PAX3: variants seen among roughly 807,000 people sequenced by gnomAD.
PAX3 encodes the protein paired box protein Pax-3.
In PAX3, 14 loss-of-function variants were observed where a neutral mutation model predicts 51.6. The ratio of observed to expected loss-of-function variants is 0.27; its 90% confidence interval spans 0.18 to 0.42. PAX3 has a LOEUF of 0.42. PAX3 is among the 10% of genes least tolerant of loss of function. The pLI, the probability that PAX3 is intolerant of heterozygous loss-of-function variation, is 1.00. For missense variants in PAX3, 540 were observed against 642.8 expected (o/e 0.84, Z 1.73); for synonymous variants, 280 against 253.4 (o/e 1.11, Z -1.00).
chr2:222,207,874 C>A (rs981966704), intron 7 of PAX3, among the ~76,000 whole-genome samples: 1 of 151,814 alleles, frequency 6.6e-6, no homozygotes, highest in Non-Finnish European at 1.5e-5. Context: ...TTAATATGCA[C>A]ATTTAGTTGT....
intron 4 of PAX3, among the ~76,000 whole-genome samples, chr2:222,245,468 G>A (rs902594948): frequency 2.1e-4 from 32 of 152,170 alleles, no homozygotes; most frequent in Non-Finnish European, 4.1e-4. Context: ...AATAGGTCAG[G>A]TACCCAACAC....
At chr2:222,208,855 T>C (rs762560338) in intron 7 of PAX3, among the ~76,000 whole-genome samples, 1 of 152,182 alleles carries the variant, frequency 6.6e-6, no homozygotes, top group Non-Finnish European at 1.5e-5. Context: ...TCACAATACT[T>C]CAGTGATATG....
chr2:222,293,973 A>G lies in PAX3; in HGVS notation c.586+194T>C, dbSNP rs1204245375. ...TTTACAAAACAGAAAAACTAAGCAGAATAGAAATGTTTGTTTTGATTCCTA... is the reference window on the plus strand; with the variant it reads ...TTTACAAAACAGAAAAACTAAGCAGGATAGAAATGTTTGTTTTGATTCCTA... On this transcript the variant is annotated intron_variant, in intron 4 of 8. Coordinates refer to ENST00000392070, the MANE Select transcript of PAX3 (RefSeq NM_181458.4). 2.6e-6 allele frequency: 4 copies of G among 1,525,084 alleles called. No individual in the cohort carries two copies. The Admixed American group carries it at 6.7e-5, about 25-fold the overall frequency. 94.5% of individuals were successfully genotyped at this position (1,525,084 alleles called of 1,614,324 possible). A position where few individuals can be genotyped will look rare whatever the true frequency, so the allele number is the denominator to read the frequency against.
At chr2:222,293,831 G>A in intron 4 of PAX3, 1 of 1,613,694 alleles carries the variant, frequency 6.2e-7, no homozygotes, top group Non-Finnish European at 8.5e-7. Context: ...ATTGCTCAGA[G>A]ATGCCCAGTC....
chr2:222,229,391 A>T (rs2106089900), intron 5 of PAX3, among the ~76,000 whole-genome samples: 1 of 152,206 alleles, frequency 6.6e-6, no homozygotes, highest in East Asian at 1.9e-4. Context: ...GTGGGGAGAA[A>T]CACTCTGTTT....
intron 7 of PAX3, among the ~76,000 whole-genome samples, chr2:222,216,193 G>T (rs935171900): frequency 2.0e-5 from 3 of 152,160 alleles, no homozygotes; most frequent in Admixed American, 2.0e-4. Context: ...CCACTAAAAT[G>T]TGTAATTTGT....
At chr2:222,214,897 C>CA (rs1691891680) in intron 7 of PAX3, 1 of 151,252 alleles carries the variant, frequency 6.6e-6, no homozygotes, top group Non-Finnish European at 1.5e-5. Flanking sequence ...TAAAACAAAA[C>CA]TTTTTTTTTG....
intron 4 of PAX3, among the ~76,000 whole-genome samples, chr2:222,237,618 C>T (rs1692849796): frequency 6.6e-6 from 1 of 152,030 alleles, no homozygotes; most frequent in Non-Finnish European, 1.5e-5. Flanking sequence ...CAATAAGGCA[C>T]TAAGAAATAA....
intron 4 of PAX3, among the ~76,000 whole-genome samples, chr2:222,284,296 G>A (rs1395150969): frequency 2.0e-5 from 3 of 152,130 alleles, no homozygotes; most frequent in African/African-American, 7.2e-5. Flanking sequence ...AATAAGAATG[G>A]ATGTATGAGA....
intron 4 of PAX3, chr2:222,263,959 A>C (rs1308124898): frequency 1.3e-5 from 2 of 152,240 alleles, no homozygotes; most frequent in South Asian, 2.1e-4. Context: ...AGAACAGATC[A>C]GCAGCTTCCA....
intron 7 of PAX3, among the ~76,000 whole-genome samples, chr2:222,203,405 T>C (rs1691384331): frequency 1.3e-5 from 2 of 152,048 alleles, no homozygotes; most frequent in African/African-American, 4.8e-5. Context: ...ACTTACAAAG[T>C]ATTTAAATGC....
chr2:222,208,236 C>T (rs1212686163), intron 7 of PAX3, among the ~76,000 whole-genome samples: 1 of 151,910 alleles, frequency 6.6e-6, no homozygotes, highest in Non-Finnish European at 1.5e-5. Flanking sequence ...GCTTTGTGAC[C>T]ATGTCTACAA....
Position 222,295,602 on chromosome 2 carries a change from G to C in PAX3, c.377C>G (p.Pro126Arg). Residue 126 changes from proline to arginine, a missense_variant, in exon 3 of 9, where the codon CCG becomes CGG. Physicochemically the swap from Pro to Arg is moderately radical, Grantham distance 103 (BLOSUM62 -2). Coordinates refer to ENST00000392070, the MANE Select transcript of PAX3 (RefSeq NM_181458.4). ...TCGGATTTCCCAGCTGAACATGCCCGGGTTCTCTCTTTTGTATTCCTCAAT... is the reference window on the plus strand; with the variant it reads ...TCGGATTTCCCAGCTGAACATGCCCCGGTTCTCTCTTTTGTATTCCTCAAT... Reference protein sequence around the residue: ...KKIEEYKRENPGMFSWEIRDK... With the variant: ...KKIEEYKRENRGMFSWEIRDK... 6.2e-7 allele frequency: 1 copy of C among 1,614,202 alleles called. No individual in the cohort carries two copies. The highest frequency in any genetic ancestry group is 1.1e-5 in the South Asian group (1 of 91,088).
At chr2:222,209,071 A>G (rs528186090) in intron 7 of PAX3, among the ~76,000 whole-genome samples, 1 of 152,300 alleles carries the variant, frequency 6.6e-6, no homozygotes, top group African/African-American at 2.4e-5. Flanking sequence ...TCTCCCAAGC[A>G]GAGGAATGTT....
Position 222,199,887 on chromosome 2 carries a change from C to T in PAX3, c.*1521G>A. On this transcript the variant is annotated 3_prime_UTR_variant, in exon 9 of 9. Transcript: ENST00000392070. ...GTTCCCCCAAAAAAGCAGTAGTGGGCAAGTTTTCATAACTGTTTATTCATT... is the reference window on the plus strand; with the variant it reads ...GTTCCCCCAAAAAAGCAGTAGTGGGTAAGTTTTCATAACTGTTTATTCATT... 5.6e-6 allele frequency: 1 copy of T among 179,056 alleles called. No individual in the cohort carries two copies. The highest frequency in any genetic ancestry group is 9.3e-5 in the East Asian group (1 of 10,732). 11.1% of individuals were successfully genotyped at this position (179,056 alleles called of 1,614,324 possible).
intron 5 of PAX3, among the ~76,000 whole-genome samples, chr2:222,226,711 G>A (rs1262564153): frequency 2.7e-5 from 4 of 150,118 alleles, no homozygotes; most frequent in Non-Finnish European, 5.9e-5. Flanking sequence ...CAAGGGTCCT[G>A]AGAAATTATG....
chr2:222,261,397 GA>G (rs920290345), intron 4 of PAX3, among the ~76,000 whole-genome samples: 5 of 151,654 alleles, frequency 3.3e-5, no homozygotes, highest in African/African-American at 7.2e-5. Context: ...AAACGGCTAG[GA>G]AAAAAAATCT....
Position 222,297,294 on chromosome 2 carries a change from G to T in PAX3, c.86-81C>A, listed in dbSNP as rs45556238. 5.9e-5 allele frequency: 66 copies of T among 1,120,224 alleles called. No homozygotes were observed. The African/African-American group carries it at 8.2e-4, about 14-fold the overall frequency. 69.4% of individuals were successfully genotyped at this position (1,120,224 alleles called of 1,614,324 possible). A position where few individuals can be genotyped will look rare whatever the true frequency, so the allele number is the denominator to read the frequency against. The stretch of plus-strand genomic sequence containing the variant: ...GCAAAGAACAGCAGCACGTAATTTC[G>T]CAGTCTTCTGTCCTATCCTCATGTT... On this transcript the variant is annotated intron_variant, in intron 1 of 8. Coordinates refer to ENST00000392070, the MANE Select transcript of PAX3 (RefSeq NM_181458.4).
At position 222,251,520 on chromosome 2, in the gene PAX3, T is replaced by A. The variant is rs577621698; in HGVS notation, c.587-19237A>T. Among the ~76,000 whole-genome samples, 4 of 152,336 alleles carry A rather than the reference T, an allele frequency of 2.6e-5. No individual in the cohort carries two copies. The South Asian group carries it at 8.3e-4, about 32-fold the overall frequency. ...AATCCAGTCTATCATTGTTGGACAT[T>A]TGGCTTGGTTCCAAGTCTTTGCTAT... On this transcript the variant is annotated intron_variant, in intron 4 of 8. Transcript: ENST00000392070.
Sources: gnomAD v4.1 joint callset for allele counts (sites outside exome capture counted in the v4.1 genomes callset) on GRCh38, gnomAD v4.1.1 for gene constraint, MANE v1.5 for transcripts, NCBI Gene and HGNC (gene_info 2026-07-23, HGNC 2026-07-21) for gene names.